RBFOX3: variants seen among roughly 807,000 people sequenced by gnomAD.
RBFOX3 encodes RNA binding fox-1 homolog 3.
RBFOX3 carries 17 observed loss-of-function variants against 48.7 expected under a neutral mutation model. The ratio of observed to expected loss-of-function variants is 0.35; its 90% CI spans 0.24 to 0.52. RBFOX3 has a LOEUF of 0.52. RBFOX3 is among the 20% of genes least tolerant of loss of function. The probability of loss-of-function intolerance (pLI) is 0.94; values close to 1 mark genes in which losing one functional copy is unlikely to be tolerated. For synonymous variants in RBFOX3, 212 were observed against 209.5 expected, an observed-to-expected ratio of 1.01 and a Z score of -0.10; for missense variants, 382 against 497.5, an observed-to-expected ratio of 0.77 and a Z score of 2.21.
chr17:79,454,079 G>A (rs2074044840), intron 2 of RBFOX3, among the ~76,000 whole-genome samples: 1 of 152,104 alleles, frequency 6.6e-6, no homozygotes, highest in Non-Finnish European at 1.5e-5. Context: ...CCTCTCAGAT[G>A]CGCCAGGGGA....
In RBFOX3 at chr17:79,537,113, A is replaced by AAAAC. The variant is rs782392824; in HGVS notation, c.-319-54519_-319-54516dup. On this transcript the variant is annotated intron_variant, in intron 1 of 14. Coordinates refer to ENST00000693108, the MANE Select transcript of RBFOX3 (RefSeq NM_001350451.2). The stretch of plus-strand genomic sequence containing the variant: ...AAAACAAAACAAAACAAACAAACAA[A>AAAAC]AAACAAAAAAAAAAAAAACCAAAAA... Among the ~76,000 whole-genome samples, 612 of 139,892 alleles carry AAAAC rather than the reference A, an allele frequency of 4.4e-3. 1 individual carries two copies. The highest frequency in any genetic ancestry group is 7.3e-3 in the Non-Finnish European group (478 of 65,174). 91.8% of individuals were successfully genotyped at this position (139,892 alleles called of 152,430 possible).
chr17:79,092,283 A>AC, intron 14 of RBFOX3: 12 of 985,440 alleles, frequency 1.2e-5, no homozygotes, highest in Non-Finnish European at 1.4e-5. Context: ...CCCAGCCTGG[A>AC]CCCCACGGTG....
At chr17:79,474,609 G>A (rs1015350086) in intron 2 of RBFOX3, among the ~76,000 whole-genome samples, 247 of 152,232 alleles carry the variant, frequency 1.6e-3, no homozygotes, top group African/African-American at 5.6e-3. Flanking sequence ...TTTTGTATCC[G>A]TGAACTTCAG....
chr17:79,187,625 G>C (rs952936522), intron 4 of RBFOX3, among the ~76,000 whole-genome samples: 1 of 152,150 alleles, frequency 6.6e-6, no homozygotes, highest in Non-Finnish European at 1.5e-5. Flanking sequence ...GGATGTGTGC[G>C]TGCCTGTGTG....
intron 2 of RBFOX3, among the ~76,000 whole-genome samples, chr17:79,368,709 G>GC (rs953046532): frequency 1.3e-5 from 2 of 152,162 alleles, no homozygotes; most frequent in African/African-American, 2.4e-5. Context: ...CTGGTCCGAG[G>GC]CCCCACGCTC....
At chr17:79,123,716 G>A (rs556096712) in intron 4 of RBFOX3, among the ~76,000 whole-genome samples, 1 of 152,306 alleles carries the variant, frequency 6.6e-6, no homozygotes, top group South Asian at 2.1e-4. Context: ...TGTCAGCCTT[G>A]CTCTGCAGAT....
the RBFOX3 span, among the ~76,000 whole-genome samples, chr17:79,620,422 C>A: frequency 9.2e-5 from 14 of 151,418 alleles, no homozygotes; most frequent in East Asian, 2.4e-3. Context: ...GACATGCACA[C>A]ACGCACGTGC....
chr17:79,663,179 G>A, the RBFOX3 span, among the ~76,000 whole-genome samples: 1 of 152,194 alleles, frequency 6.6e-6, no homozygotes, highest in Non-Finnish European at 1.5e-5. Context: ...GATGGTGAAA[G>A]ATTATGGCTT....
intron 3 of RBFOX3, among the ~76,000 whole-genome samples, chr17:79,295,453 T>A (rs2074181746): frequency 6.6e-6 from 1 of 152,148 alleles, no homozygotes; most frequent in South Asian, 2.1e-4. Context: ...GGTGGCTCTG[T>A]CCACTTTGGG....
At chr17:79,403,381 T>C (rs2063068904) in intron 2 of RBFOX3, among the ~76,000 whole-genome samples, 1 of 152,166 alleles carries the variant, frequency 6.6e-6, no homozygotes, top group Admixed American at 6.5e-5. Context: ...GACGGGCAGC[T>C]CCCATGGGGG....
intron 2 of RBFOX3, among the ~76,000 whole-genome samples, chr17:79,398,329 T>A (rs2062308560): frequency 2.0e-5 from 3 of 151,850 alleles, no homozygotes; most frequent in Non-Finnish European, 4.4e-5. Context: ...TGCACCACGG[T>A]TTCAGAAAAG....
chr17:79,608,833 C>T (rs1183810232), intron 1 of RBFOX3, among the ~76,000 whole-genome samples: 1 of 152,174 alleles, frequency 6.6e-6, no homozygotes, highest in Non-Finnish European at 1.5e-5. Flanking sequence ...GCGGGGGGGC[C>T]AGCCTCGGTC....
intron 2 of RBFOX3, among the ~76,000 whole-genome samples, chr17:79,348,574 T>TC (rs1415143382): frequency 9.2e-5 from 8 of 87,146 alleles, no homozygotes; most frequent in Non-Finnish European, 1.8e-4. Flanking sequence ...TCTTTTCCTT[T>TC]TTTTTTTTTT....
At chr17:79,213,557 C>T (rs2058649645) in intron 4 of RBFOX3, among the ~76,000 whole-genome samples, 2 of 152,238 alleles carry the variant, frequency 1.3e-5, no homozygotes, top group Admixed American at 1.3e-4. Flanking sequence ...GCTCCTCCCC[C>T]AGGGTCAGCC....
At chr17:79,636,640 C>T in the RBFOX3 span, among the ~76,000 whole-genome samples, 37 of 152,116 alleles carry the variant, frequency 2.4e-4, no homozygotes, top group African/African-American at 8.9e-4. Flanking sequence ...GTAAGCCTCA[C>T]TGTAATCACA....
intron 2 of RBFOX3, among the ~76,000 whole-genome samples, chr17:79,320,928 C>T (rs1437300291): frequency 6.6e-6 from 1 of 152,204 alleles, no homozygotes; most frequent in Admixed American, 6.5e-5. Flanking sequence ...CCTGCACATT[C>T]AGAGTCCGGC....
the RBFOX3 span, among the ~76,000 whole-genome samples, chr17:79,651,868 C>T: frequency 3.6e-5 from 5 of 138,352 alleles, no homozygotes; most frequent in Admixed American, 7.1e-5. Flanking sequence ...TCCACCACCC[C>T]CCATCACTGG....
chr17:79,392,679 A>G lies in RBFOX3; in HGVS notation c.-174-84855T>C, dbSNP rs566834818. ...CACCCTCTCTTCCCGATATCTGGCA[A>G]GCATCGGGCAGTGGCTCTATGAGCT... On this transcript the variant is annotated intron_variant, in intron 2 of 14. Coordinates refer to ENST00000693108, the MANE Select transcript of RBFOX3 (RefSeq NM_001350451.2). This position sits in a 1 kb window ranked among gnomAD's most constrained non-coding sequence, Gnocchi z 5.0. Among the ~76,000 whole-genome samples, 62 of 152,296 alleles carry G rather than the reference A, an allele frequency of 4.1e-4. No homozygotes were observed. The highest frequency in any genetic ancestry group is 1.4e-3 in the African/African-American group (60 of 41,558).
chr17:79,390,311 T>C lies in RBFOX3; in HGVS notation c.-174-82487A>G, dbSNP rs2061221379. On this transcript the variant is annotated intron_variant, in intron 2 of 14. Coordinates refer to ENST00000693108, the MANE Select transcript of RBFOX3 (RefSeq NM_001350451.2). The surrounding 1 kb of genome is among the most constrained non-coding windows in gnomAD (Gnocchi z 4.2). Reference sequence around the variant, plus strand: ...ACACCAGCATCCCGGGGGGACTTCTTAGACTCCACTCTGAGTTTGGCTTTG... The same window carrying C: ...ACACCAGCATCCCGGGGGGACTTCTCAGACTCCACTCTGAGTTTGGCTTTG... 6.6e-6 allele frequency among the ~76,000 whole-genome samples: 1 copy of C among 152,206 alleles called. No homozygotes were observed. The highest frequency in any genetic ancestry group is 2.1e-4 in the South Asian group (1 of 4,824).
Sources: allele counts gnomAD v4.1 joint callset (sites outside exome capture counted in the v4.1 genomes callset), GRCh38; gene constraint gnomAD v4.1.1; non-coding constraint Gnocchi (gnomAD v3.1); transcripts MANE v1.5; gene names NCBI Gene and HGNC (gene_info 2026-07-23, HGNC 2026-07-21).